Variants in AGAP1 observed in about 807,000 individuals in gnomAD.
The protein encoded by AGAP1 is ArfGAP with GTPase domain, ankyrin repeat and PH domain 1, also known as arf-GAP with GTPase, ANK repeat and PH domain-containing protein 1.
Under a neutral mutation model 105.3 loss-of-function variants are expected in AGAP1, and 29 were observed. The ratio of observed to expected loss-of-function variants is 0.28; its 90% CI spans 0.21 to 0.38. The LOEUF (loss-of-function observed/expected upper bound fraction) is 0.38, where lower values mean the gene tolerates loss of function less well. AGAP1 is among the 10% of genes least tolerant of loss of function. AGAP1 has a pLI of 1.00. For missense variants in AGAP1, 998 were observed against 1,165.1 expected, an observed-to-expected ratio of 0.86 and a Z score of 2.09; for synonymous variants, 509 against 485.9, an observed-to-expected ratio of 1.05 and a Z score of -0.63.
chr2:235,720,826 A>G lies in AGAP1; in HGVS notation c.310+3182A>G, dbSNP rs759591771. On this transcript the variant is annotated intron_variant, in intron 3 of 17. Coordinates refer to ENST00000304032, the MANE Select transcript of AGAP1 (RefSeq NM_001037131.3). This position sits in a 1 kb window ranked among gnomAD's most constrained non-coding sequence, Gnocchi z 5.0. ...CAGGGGAGAGCTCTCTCGTGGTAGAAACATTTCTGGTGCAGAGCCGTCTCC... is the reference window on the plus strand; with the variant it reads ...CAGGGGAGAGCTCTCTCGTGGTAGAGACATTTCTGGTGCAGAGCCGTCTCC... 1 of 569,574 alleles carries G rather than the reference A, an allele frequency of 1.8e-6. No individual in the cohort carries two copies. Among genetic ancestry groups the G allele is most frequent in the East Asian group, 1.4e-4 (1 of 6,924 alleles). The allele number at this position is 569,574 out of a possible 1,614,324, so 35.3% of individuals were successfully genotyped here. A position where few individuals can be genotyped will look rare whatever the true frequency, so the allele number is the denominator to read the frequency against.
intron 13 of AGAP1, among the ~76,000 whole-genome samples, chr2:236,034,751 C>T (rs1006299143): frequency 7.9e-5 from 12 of 152,238 alleles, no homozygotes; most frequent in African/African-American, 2.9e-4. Flanking sequence ...CAGGCCCGAC[C>T]TCCACTCAGC....
chr2:235,562,161 A>G (rs764842555), intron 1 of AGAP1, among the ~76,000 whole-genome samples: 14 of 152,218 alleles, frequency 9.2e-5, no homozygotes, highest in Non-Finnish European at 1.8e-4. Flanking sequence ...GCTATTCACC[A>G]TGATTTAAAG....
Position 235,769,157 on chromosome 2 carries a change from G to A in AGAP1, c.673+18669G>A, listed in dbSNP as rs191595774. ...TCTGGGTTCTTAGTGCCCGTCCCCC[G>A]TAGCTCCGTCACACAGTCCTGTTGC... On this transcript the variant is annotated intron_variant, in intron 6 of 17. Transcript: ENST00000304032. This position sits in a 1 kb window ranked among gnomAD's most constrained non-coding sequence, Gnocchi z 4.4. 2.4e-3 allele frequency among the ~76,000 whole-genome samples: 364 copies of A among 152,188 alleles called. No homozygotes were observed. The highest frequency in any genetic ancestry group is 7.6e-3 in the African/African-American group (316 of 41,528).
intron 1 of AGAP1, among the ~76,000 whole-genome samples, chr2:235,616,492 A>G (rs2149263410): frequency 6.6e-6 from 1 of 152,352 alleles, no homozygotes; most frequent in Non-Finnish European, 1.5e-5. Context: ...GTAAATTGAG[A>G]TAGCCATCTG....
intron 1 of AGAP1, among the ~76,000 whole-genome samples, chr2:235,687,185 A>G (rs1456751259): frequency 6.6e-6 from 1 of 152,252 alleles, no homozygotes; most frequent in East Asian, 1.9e-4. Flanking sequence ...TGTTCTCAAC[A>G]GAAGAATCTG....
Position 235,792,606 on chromosome 2 carries a change from G to A in AGAP1, c.674-5153G>A, listed in dbSNP as rs753808993. On this transcript the variant is annotated intron_variant, in intron 6 of 17. Coordinates refer to ENST00000304032, the MANE Select transcript of AGAP1 (RefSeq NM_001037131.3). This position sits in a 1 kb window ranked among gnomAD's most constrained non-coding sequence, Gnocchi z 5.3. ...AGGATAAGTCTTAGACCAAGGCAGT[G>A]GCAGTGAAGACGAATTTCTGAGAAA... Among the ~76,000 whole-genome samples, 1 of 152,230 alleles carries A rather than the reference G, an allele frequency of 6.6e-6. No homozygotes were observed. The highest frequency in any genetic ancestry group is 1.5e-5 in the Non-Finnish European group (1 of 68,042).
intron 9 of AGAP1, among the ~76,000 whole-genome samples, chr2:235,837,986 C>T (rs1182450850): frequency 6.6e-6 from 1 of 152,086 alleles, no homozygotes; most frequent in East Asian, 1.9e-4. Context: ...AGTATGAGAC[C>T]AGCCTGGCCA....
chr2:236,118,623 A>T lies in AGAP1; in HGVS notation c.2115-1569A>T, dbSNP rs537959955. Among the ~76,000 whole-genome samples, 27 of 152,150 alleles carry T rather than the reference A, an allele frequency of 1.8e-4. No individual in the cohort carries two copies. The East Asian group carries it at 5.1e-3, about 28-fold the overall frequency. On this transcript the variant is annotated intron_variant, in intron 16 of 17. Transcript: ENST00000304032. ...AAGCTGGTCTCGAACTCCTGACCTCAGGTGATCCACCCACCTCGGCCTCCC... is the reference window on the plus strand; with the variant it reads ...AAGCTGGTCTCGAACTCCTGACCTCTGGTGATCCACCCACCTCGGCCTCCC...
intron 1 of AGAP1, among the ~76,000 whole-genome samples, chr2:235,503,942 A>G (rs1245685679): frequency 6.6e-6 from 1 of 152,206 alleles, no homozygotes; most frequent in East Asian, 1.9e-4. Flanking sequence ...GCTGAAGTAC[A>G]GTGGCACGAT....
At chr2:235,545,914 C>G (rs1943607368) in intron 1 of AGAP1, among the ~76,000 whole-genome samples, 1 of 152,246 alleles carries the variant, frequency 6.6e-6, no homozygotes, top group South Asian at 2.1e-4. Context: ...GACTTCTGAG[C>G]ATGAAGGCAG....
chr2:235,637,927 C>T (rs955873265), intron 1 of AGAP1, among the ~76,000 whole-genome samples: 2 of 152,140 alleles, frequency 1.3e-5, no homozygotes, highest in Non-Finnish European at 2.9e-5. Flanking sequence ...GCCCTTCCTC[C>T]ACCTTTTTGC....
intron 12 of AGAP1, among the ~76,000 whole-genome samples, chr2:235,933,602 G>A (rs2052835506): frequency 1.4e-5 from 2 of 147,252 alleles, no homozygotes; most frequent in African/African-American, 2.5e-5. Flanking sequence ...GCGCGACCCC[G>A]GCTCACTGCA....
In AGAP1 at chr2:235,981,766, T is replaced by C. The variant is rs1434395804; in HGVS notation, c.1645+13143T>C. Among the ~76,000 whole-genome samples, 1 of 152,100 alleles carries C rather than the reference T, an allele frequency of 6.6e-6. No homozygotes were observed. The highest frequency in any genetic ancestry group is 1.5e-5 in the Non-Finnish European group (1 of 68,024). Reference sequence around the variant, plus strand: ...CCGAGGGTCATAAAGTTTAAGTAACTTGCTCAAGGCCATAGACGTAGAAAG... The same window carrying C: ...CCGAGGGTCATAAAGTTTAAGTAACCTGCTCAAGGCCATAGACGTAGAAAG... On this transcript the variant is annotated intron_variant, in intron 13 of 17. Coordinates refer to ENST00000304032, the MANE Select transcript of AGAP1 (RefSeq NM_001037131.3). The surrounding 1 kb of genome is among the most constrained non-coding windows in gnomAD (Gnocchi z 5.5).
intron 6 of AGAP1, among the ~76,000 whole-genome samples, chr2:235,771,839 A>C (rs561215783): frequency 6.6e-6 from 1 of 152,114 alleles, no homozygotes; most frequent in African/African-American, 2.4e-5. Flanking sequence ...TTAACCTTAC[A>C]ATATTTCATA....
intron 13 of AGAP1, among the ~76,000 whole-genome samples, chr2:236,025,881 GAC>G (rs2057033136): frequency 2.0e-5 from 2 of 101,674 alleles, no homozygotes; most frequent in African/African-American, 8.2e-5. Context: ...CAGCCTGAGC[GAC>G]AGAGGGAGAC....
intron 16 of AGAP1, chr2:236,049,876 T>TA (rs1293333577): frequency 2.0e-5 from 3 of 152,592 alleles, no homozygotes; most frequent in African/African-American, 7.2e-5. Flanking sequence ...ACAGCTATTA[T>TA]AAACTGTTTT....
intron 6 of AGAP1, among the ~76,000 whole-genome samples, chr2:235,791,534 C>T (rs55658680): frequency 0.014 from 2,125 of 151,886 alleles, 49 homozygotes; most frequent in African/African-American, 0.049. Context: ...TAAGATGGCA[C>T]GTTGATTTGA....
rs1001683472 is a variant in AGAP1 at position 236,105,198 on chromosome 2, G to T, written c.2115-14994G>T. Among the ~76,000 whole-genome samples, 2 of 152,140 alleles carry T rather than the reference G, an allele frequency of 1.3e-5. No homozygotes were observed. Among genetic ancestry groups the T allele is most frequent in the African/African-American group, 4.8e-5 (2 of 41,432 alleles). On this transcript the variant is annotated intron_variant, in intron 16 of 17. Transcript: ENST00000304032. This position sits in a 1 kb window ranked among gnomAD's most constrained non-coding sequence, Gnocchi z 4.2. The stretch of plus-strand genomic sequence containing the variant: ...CCTACAAGGAAAAGCAGTTAGATTC[G>T]AGCAAAGTGGTGAATTGGTCTGAAT...
rs1211902179 is a variant in AGAP1 at position 235,830,603 on chromosome 2, G to T, written c.1050+23272G>T. 6.7e-6 allele frequency among the ~76,000 whole-genome samples: 1 copy of T among 149,960 alleles called. No homozygotes were observed. The highest frequency in any genetic ancestry group is 1.5e-5 in the Non-Finnish European group (1 of 67,750). ...GTGAGATACTTTGGGGGCTCAGGGG[G>T]CTTGGAGTTTATTTGTTGGGGGAAG... On this transcript the variant is annotated intron_variant, in intron 9 of 17. Coordinates refer to ENST00000304032, the MANE Select transcript of AGAP1 (RefSeq NM_001037131.3). The surrounding 1 kb of genome is among the most constrained non-coding windows in gnomAD (Gnocchi z 5.5).
Sources: allele counts gnomAD v4.1 joint callset (sites outside exome capture counted in the v4.1 genomes callset), GRCh38; gene constraint gnomAD v4.1.1; non-coding constraint Gnocchi (gnomAD v3.1); transcripts MANE v1.5; gene names NCBI Gene and HGNC (gene_info 2026-07-23, HGNC 2026-07-21).